Variants in TMEM222 observed in about 807,000 individuals in gnomAD.
The protein encoded by TMEM222 is transmembrane protein 222.
A neutral mutation model predicts 25.1 loss-of-function variants in TMEM222; 18 were observed. The ratio of observed to expected loss-of-function variants is 0.72; its 90% CI spans 0.50 to 1.06. The LOEUF (loss-of-function observed/expected upper bound fraction) is 1.06. Ranked by LOEUF, TMEM222 falls within the 50% of genes least tolerant of loss-of-function variation. The pLI is 0.00. For missense variants in TMEM222, 296 were observed against 293.7 expected (o/e 1.01, Z -0.06); for synonymous variants, 131 against 117.9 (o/e 1.11, Z -0.72).
At chr1:27,323,020 C>T (rs1426484917) in intron 1 of TMEM222, among the ~76,000 whole-genome samples, 1 of 152,174 alleles carries the variant, frequency 6.6e-6, no homozygotes, top group Non-Finnish European at 1.5e-5. Flanking sequence ...TTGGGAGGAG[C>T]TCTCATATGG....
intron 1 of TMEM222, among the ~76,000 whole-genome samples, chr1:27,329,276 T>C (rs2014424305): frequency 6.6e-6 from 1 of 151,468 alleles, no homozygotes; most frequent in Admixed American, 6.6e-5. Flanking sequence ...ATCTCAAGTA[T>C]ACAGCAGGAA....
intron 3 of TMEM222, 82 bp downstream of exon 3, chr1:27,332,183 G>C: frequency 6.6e-7 from 1 of 1,526,126 alleles, no homozygotes; most frequent in South Asian, 1.1e-5. Context: ...GGGCACAGGA[G>C]GGGCCAGCAC....
chr1:27,335,371 T>C lies in TMEM222; in HGVS notation c.540-8T>C, dbSNP rs779230784. 9 of 1,614,152 alleles carry C rather than the reference T, an allele frequency of 5.6e-6. No individual in the cohort carries two copies. In the Admixed American group the frequency reaches 1.5e-4, roughly 27 times the overall value. ...GCCCACCTATGCTCGCTCCTTTCTC[T>C]CTGTCAGCGTTGGGGCCTTCGTGAA... On this transcript the variant is annotated splice_polypyrimidine_tract_variant and splice_region_variant and intron_variant, in intron 5 of 5. Coordinates refer to ENST00000374076, the MANE Select transcript of TMEM222 (RefSeq NM_032125.3).
chr1:27,325,462 C>G (rs777762359), intron 1 of TMEM222: 13 of 1,368,432 alleles, frequency 9.5e-6, no homozygotes, highest in African/African-American at 1.4e-5. Flanking sequence ...TTCCAGCCTT[C>G]CTTCCTGGGT....
intron 1 of TMEM222, among the ~76,000 whole-genome samples, chr1:27,322,721 G>A (rs2014236728): frequency 6.6e-6 from 1 of 152,182 alleles, no homozygotes; most frequent in Admixed American, 6.5e-5. Context: ...TTAATTCACT[G>A]GTTTATTCTC....
intron 1 of TMEM222, among the ~76,000 whole-genome samples, chr1:27,323,328 A>C (rs1160001302): frequency 6.6e-6 from 1 of 152,224 alleles, no homozygotes; most frequent in African/African-American, 2.4e-5. Context: ...TTCCGCTATC[A>C]ATAACAGCCA....
chr1:27,322,454 G>A (rs528837859), intron 1 of TMEM222, 63 bp downstream of exon 1: 2 of 1,310,726 alleles, frequency 1.5e-6, no homozygotes, highest in Admixed American at 3.8e-5. Context: ...GAGTCGGGCC[G>A]GGCTAGCCTC....
At chr1:27,331,102 G>T in intron 2 of TMEM222, 1 of 1,281,804 alleles carries the variant, frequency 7.8e-7, no homozygotes, top group Non-Finnish European at 1.0e-6. Context: ...TGGAGAGTCA[G>T]ACCATCCAGG....
Position 27,334,076 on chromosome 1 carries a change from C to T in TMEM222, c.408+22C>T, listed in dbSNP as rs150958655. ...CATGGTAGGTGGGCCAGGGCGGCACCGGCACTCCCCAGGTGGGGACCAGGG... is the reference window on the plus strand; with the variant it reads ...CATGGTAGGTGGGCCAGGGCGGCACTGGCACTCCCCAGGTGGGGACCAGGG... On this transcript the variant is annotated intron_variant, in intron 4 of 5. Coordinates refer to ENST00000374076, the MANE Select transcript of TMEM222 (RefSeq NM_032125.3). 4.2e-4 allele frequency: 684 copies of T among 1,613,998 alleles called. 6 individuals carry two copies. The African/African-American group carries it at 8.0e-3, about 19-fold the overall frequency.
intron 2 of TMEM222, 100 bp from the exon 3 acceptor site, chr1:27,331,970 A>G (rs1309164589): frequency 1.7e-5 from 15 of 867,066 alleles, no homozygotes; most frequent in Middle Eastern, 4.6e-4. Context: ...CACCCCTGAC[A>G]TACCCTCTTC....
Position 27,335,740 on chromosome 1 carries a change from T to C in TMEM222, c.*274T>C. On this transcript the variant is annotated 3_prime_UTR_variant, in exon 6 of 6. Transcript: ENST00000374076. ...GTTCTTCTGTTGAAAGGCTTTGGCT[T>C]CCCGCTGTAGAGCTGCTCCCGCCAC... 1 of 516,126 alleles carries C rather than the reference T, an allele frequency of 1.9e-6. No homozygotes were observed. The highest frequency in any genetic ancestry group is 3.5e-6 in the Non-Finnish European group (1 of 285,148). 32.0% of individuals were successfully genotyped at this position (516,126 alleles called of 1,614,324 possible). A position where few individuals can be genotyped will look rare whatever the true frequency, so the allele number is the denominator to read the frequency against.
chr1:27,322,456 GC>G, intron 1 of TMEM222, 65 bp downstream of exon 1: 1 of 1,306,070 alleles, frequency 7.7e-7, no homozygotes, highest in Non-Finnish European at 9.9e-7. Flanking sequence ...GTCGGGCCGG[GC>G]TAGCCTCCGG....
intron 1 of TMEM222, among the ~76,000 whole-genome samples, chr1:27,330,264 G>A (rs1268497217): frequency 6.6e-6 from 1 of 151,612 alleles, no homozygotes; most frequent in African/African-American, 2.4e-5. Context: ...AGGCGTGGTG[G>A]TGCACACCTG....
Position 27,322,229 on chromosome 1 carries a change from T to A in TMEM222, c.32T>A (p.Leu11Ter), listed in dbSNP as rs752258196. 1.2e-5 allele frequency: 17 copies of A among 1,455,010 alleles called. No homozygotes were observed. Among genetic ancestry groups the A allele is most frequent in the Non-Finnish European group, 1.5e-5 (16 of 1,097,322 alleles). The allele number at this position is 1,455,010 out of a possible 1,614,324, so 90.1% of individuals were successfully genotyped here. MAEAEGSSLL[L>*]LPPPPPPPRM... is the part of the protein sequence containing the mutation. ...GAAGCGGAAGGGAGTTCTCTGCTCTTGTTGCCGCCGCCGCCACCCCCGCCC... is the reference window on the plus strand; with the variant it reads ...GAAGCGGAAGGGAGTTCTCTGCTCTAGTTGCCGCCGCCGCCACCCCCGCCC... The change falls in exon 1 of 6, where the codon TTG becomes TAG. Residue 11 changes from leucine to a stop codon, truncating the protein, a stop_gained. Coordinates refer to ENST00000374076, the MANE Select transcript of TMEM222 (RefSeq NM_032125.3). LOFTEE classifies it high-confidence loss of function.
At chr1:27,334,322 AG>A (rs2014554615) in intron 5 of TMEM222, 41 bp downstream of exon 5, 1 of 1,612,822 alleles carries the variant, frequency 6.2e-7, no homozygotes, top group East Asian at 2.2e-5. Context: ...CACTGCCCAG[AG>A]GCTGCTCTCC....
chr1:27,334,066 A>T lies in TMEM222; in HGVS notation c.408+12A>T, dbSNP rs1290439054. 12 of 1,614,106 alleles carry T rather than the reference A, an allele frequency of 7.4e-6. No homozygotes were observed. Among genetic ancestry groups the T allele is most frequent in the Admixed American group, 6.7e-5 (4 of 60,010 alleles). The stretch of plus-strand genomic sequence containing the variant: ...ACAAGCACCGCATGGTAGGTGGGCC[A>T]GGGCGGCACCGGCACTCCCCAGGTG... On this transcript the variant is annotated intron_variant, in intron 4 of 5. Transcript: ENST00000374076.
chr1:27,329,626 A>G (rs1275314366), intron 1 of TMEM222, among the ~76,000 whole-genome samples: 2 of 152,108 alleles, frequency 1.3e-5, no homozygotes, highest in Non-Finnish European at 2.9e-5. Flanking sequence ...GAACATTTGG[A>G]TTCTTTCTAG....
chr1:27,334,712 A>G, intron 5 of TMEM222: 1 of 1,343,618 alleles, frequency 7.4e-7, no homozygotes, highest in Non-Finnish European at 9.8e-7. Flanking sequence ...CATGGTCGCC[A>G]CAGCATGGAC....
chr1:27,333,895 C>A, intron 3 of TMEM222, 63 bp from the exon 4 acceptor site: 1 of 1,467,406 alleles, frequency 6.8e-7, no homozygotes, highest in Non-Finnish European at 9.4e-7. Context: ...CCTCAGAGGA[C>A]GTGCGTAGAG....
Sources: allele counts gnomAD v4.1 joint callset (sites outside exome capture counted in the v4.1 genomes callset), GRCh38; gene constraint gnomAD v4.1.1; transcripts MANE v1.5; gene names NCBI Gene and HGNC (gene_info 2026-07-23, HGNC 2026-07-21).